Variants in CPSF3 observed in about 807,000 individuals in gnomAD.
The protein encoded by CPSF3 is cleavage and polyadenylation specific factor 3, also known as cleavage and polyadenylation specificity factor subunit 3.
CPSF3 carries 57 observed loss-of-function variants against 84.1 expected under a neutral mutation model. That is an observed-to-expected ratio of 0.68 (90% CI 0.55 to 0.85). CPSF3 has a LOEUF of 0.85. Among genes scored for constraint, CPSF3 ranks in the 40% least tolerant of loss-of-function variants. The probability of loss-of-function intolerance (pLI) is 0.00; values close to 1 mark genes in which losing one functional copy is unlikely to be tolerated. For synonymous variants in CPSF3, 275 were observed against 278.1 expected, an observed-to-expected ratio of 0.99 and a Z score of 0.11; for missense variants, 522 against 838.8, an observed-to-expected ratio of 0.62 and a Z score of 4.66.
At position 9,443,643 on chromosome 2, in the gene CPSF3, T is replaced by C; in HGVS notation, c.1224T>C (p.Ala408=). ...DYQQTSEFIR[A]LKPPHVILVH... ...AGCAAACCAGTGAATTTATTCGTGC[T>C]TTGAAACCGCCTCATGTGGTTAGTC... Residue 408 remains alanine, a synonymous_variant, in exon 10 of 18, where the codon GCT becomes GCC. Transcript: ENST00000238112. 1 of 1,614,138 alleles carries C rather than the reference T, an allele frequency of 6.2e-7. No homozygotes were observed. Among genetic ancestry groups the C allele is most frequent in the South Asian group, 1.1e-5 (1 of 91,082 alleles).
Position 9,471,371 on chromosome 2 carries a change from G to C in CPSF3, c.1885G>C (p.Val629Leu), listed in dbSNP as rs199717693. The change falls in exon 17 of 18, where the codon GTA becomes CTA. Residue 629 changes from valine to leucine, a missense_variant. Physicochemically the swap from Val to Leu is conservative, Grantham distance 32. This residue lies in a region of CPSF3 where 193 missense variants were observed against 231.6 expected (regional missense o/e 0.83). Transcript: ENST00000238112. ...QDIFGEDCVSVKDDSILSVTV... is the reference protein window; with the variant it reads ...QDIFGEDCVSLKDDSILSVTV... ...CATATTTGGAGAAGACTGTGTAAGT[G>C]TAAAGGATGACTCTATTCTTAGCGT... 7 of 1,612,252 alleles carry C rather than the reference G, an allele frequency of 4.3e-6. 1 individual carries two copies. The highest frequency in any genetic ancestry group is 3.4e-6 in the Non-Finnish European group (4 of 1,178,372).
intron 17 of CPSF3, among the ~76,000 whole-genome samples, chr2:9,471,914 G>A (rs888724597): frequency 1.3e-5 from 2 of 151,056 alleles, no homozygotes. Flanking sequence ...GCTGAGGCAG[G>A]AGAATTGCTT....
At position 9,459,528 on chromosome 2, in the gene CPSF3, C is replaced by G; in HGVS notation, c.1699-3C>G. ...CTTCCTAATTCTGCCTTTTGCTTTC[C>G]AGTGGCTGGCAAACCCTTCTAATGA... On this transcript the variant is annotated splice_polypyrimidine_tract_variant and splice_region_variant and intron_variant, in intron 14 of 17. Coordinates refer to ENST00000238112, the MANE Select transcript of CPSF3 (RefSeq NM_016207.4). 6.2e-7 allele frequency: 1 copy of G among 1,610,382 alleles called. No individual in the cohort carries two copies. Among genetic ancestry groups the G allele is most frequent in the East Asian group, 2.2e-5 (1 of 44,842 alleles).
At chr2:9,444,060 T>C (rs1245002975) in intron 10 of CPSF3, among the ~76,000 whole-genome samples, 1 of 151,536 alleles carries the variant, frequency 6.6e-6, no homozygotes, top group African/African-American at 2.4e-5. Context: ...CTCATAAGGT[T>C]ATTGTAAGGA....
In CPSF3 at chr2:9,455,760, G is replaced by A. The variant is rs1410721351; in HGVS notation, c.1603+3G>A. 6.3e-7 allele frequency: 1 copy of A among 1,597,692 alleles called. No individual in the cohort carries two copies. Among genetic ancestry groups the A allele is most frequent in the East Asian group, 2.2e-5 (1 of 44,784 alleles). ...TTACCAGCTGCAGAAATTGACAGGT[G>A]TGTGTGTGTACTGAAATTCATTTCA... On this transcript the variant is annotated splice_donor_region_variant and intron_variant, in intron 13 of 17. Transcript: ENST00000238112.
intron 15 of CPSF3, among the ~76,000 whole-genome samples, chr2:9,463,812 T>G (rs531468667): frequency 5.3e-5 from 8 of 152,300 alleles, no homozygotes; most frequent in African/African-American, 1.7e-4. Flanking sequence ...AACACAGCCG[T>G]GCGCACTGGT....
At chr2:9,454,132 C>T (rs147935179) in intron 12 of CPSF3, among the ~76,000 whole-genome samples, 23 of 151,380 alleles carry the variant, frequency 1.5e-4, no homozygotes, top group Non-Finnish European at 3.0e-4. Flanking sequence ...AGCAGTGGCC[C>T]GGCACGGTGG....
chr2:9,455,004 T>G (rs1485072179), intron 12 of CPSF3, among the ~76,000 whole-genome samples: 3 of 152,090 alleles, frequency 2.0e-5, no homozygotes, highest in Non-Finnish European at 4.4e-5. Flanking sequence ...GGAAAAAGCT[T>G]TGTAAATTAG....
chr2:9,470,395 T>C (rs1682124280), intron 16 of CPSF3, among the ~76,000 whole-genome samples: 3 of 152,246 alleles, frequency 2.0e-5, no homozygotes, highest in Admixed American at 2.0e-4. Flanking sequence ...AGGCTGACCA[T>C]GGTCCATGGG....
chr2:9,473,077 A>G lies in CPSF3; in HGVS notation c.*60A>G. The G allele has an allele frequency of 8.2e-7, 1 of 1,222,042 alleles. No individual in the cohort carries two copies. The highest frequency in any genetic ancestry group is 1.9e-5 in the Admixed American group (1 of 51,552). The allele number at this position is 1,222,042 out of a possible 1,614,324, so 75.7% of individuals were successfully genotyped here. On this transcript the variant is annotated 3_prime_UTR_variant, in exon 18 of 18. Transcript: ENST00000238112. Reference sequence around the variant, plus strand: ...TGACTCTACTTTTGTTACCTAAAATAAAATGCATTCGTTTCTCTGGGGGAG... The same window carrying G: ...TGACTCTACTTTTGTTACCTAAAATGAAATGCATTCGTTTCTCTGGGGGAG...
chr2:9,441,413 T>C (rs940884384), intron 8 of CPSF3, among the ~76,000 whole-genome samples: 9 of 152,218 alleles, frequency 5.9e-5, no homozygotes, highest in Non-Finnish European at 4.4e-5. Flanking sequence ...CCAGGCCAGC[T>C]CAAAACATGC....
chr2:9,459,377 A>G (rs1572800763), intron 14 of CPSF3, among the ~76,000 whole-genome samples, 154 bp from the exon 15 acceptor site: 1 of 152,288 alleles, frequency 6.6e-6, no homozygotes, highest in East Asian at 1.9e-4. Flanking sequence ...TAGTATTATT[A>G]ATTTCAGTAA....
intron 11 of CPSF3, among the ~76,000 whole-genome samples, chr2:9,451,717 T>C (rs1246478789): frequency 3.8e-5 from 1 of 26,466 alleles, no homozygotes; most frequent in South Asian, 7.4e-4. Flanking sequence ...TAAATGAAAC[T>C]TTTTTTTTTT....
At chr2:9,453,781 C>T (rs1681414508) in intron 12 of CPSF3, among the ~76,000 whole-genome samples, 1 of 152,076 alleles carries the variant, frequency 6.6e-6, no homozygotes, top group Non-Finnish European at 1.5e-5. Flanking sequence ...GTCCCAGCTA[C>T]TCAGGAGGCT....
At chr2:9,465,770 C>T (rs1258005047) in intron 15 of CPSF3, among the ~76,000 whole-genome samples, 2 of 152,176 alleles carry the variant, frequency 1.3e-5, no homozygotes, top group Non-Finnish European at 2.9e-5. Context: ...AATCAAATGC[C>T]ACCAAGGTTG....
chr2:9,446,482 G>A (rs946508009), intron 10 of CPSF3, among the ~76,000 whole-genome samples: 8 of 151,332 alleles, frequency 5.3e-5, no homozygotes, highest in African/African-American at 1.7e-4. Flanking sequence ...TCGGGAGGCC[G>A]AGGCAGGAGA....
Position 9,440,677 on chromosome 2 carries a change from G to A in CPSF3, c.936+11G>A. 3.7e-6 allele frequency: 6 copies of A among 1,613,674 alleles called. No homozygotes were observed. Among genetic ancestry groups the A allele is most frequent in the Non-Finnish European group, 5.1e-6 (6 of 1,179,690 alleles). ...ATTAGTAACCTCAAGGTGAGTGCTT[G>A]TGGAAGAAAGACAAGGATGGATAAA... On this transcript the variant is annotated intron_variant, in intron 8 of 17. Coordinates refer to ENST00000238112, the MANE Select transcript of CPSF3 (RefSeq NM_016207.4).
At chr2:9,464,064 G>A (rs1394726315) in intron 15 of CPSF3, among the ~76,000 whole-genome samples, 1 of 149,494 alleles carries the variant, frequency 6.7e-6, no homozygotes, top group East Asian at 1.9e-4. Context: ...TTGTATCTGT[G>A]GTGTATGTGT....
At chr2:9,460,290 A>G (rs1405462831) in intron 15 of CPSF3, among the ~76,000 whole-genome samples, 1 of 152,092 alleles carries the variant, frequency 6.6e-6, no homozygotes, top group African/African-American at 2.4e-5. Flanking sequence ...TTAGCTGGGC[A>G]TGGTGGCGGG....
Sources: allele counts gnomAD v4.1 joint callset (sites outside exome capture counted in the v4.1 genomes callset), GRCh38; gene constraint gnomAD v4.1.1; regional missense constraint gnomAD v4.1.1; transcripts MANE v1.5; gene names NCBI Gene and HGNC (gene_info 2026-07-23, HGNC 2026-07-21).